The following TM9SF4 variants were observed in gnomAD, a reference collection of about 807,000 sequenced individuals.
The protein encoded by TM9SF4 is dinucleotide oxidase disulfide thiol exchanger 3 superfamily member 4.
Under a neutral mutation model 90.4 loss-of-function variants are expected in TM9SF4, and 26 were observed. The ratio of observed to expected loss-of-function variants is 0.29; its 90% CI spans 0.21 to 0.40. The LOEUF is 0.40. TM9SF4 is among the 10% of genes least tolerant of loss of function. TM9SF4 has a pLI of 1.00. For missense variants in TM9SF4, 549 were observed against 834.8 expected (o/e 0.66, Z 4.22); for synonymous variants, 293 against 315.4 (o/e 0.93, Z 0.75).
At chr20:32,165,062 C>T (rs781698532) in intron 17 of TM9SF4, among the ~76,000 whole-genome samples, 5 of 152,170 alleles carry the variant, frequency 3.3e-5, no homozygotes, top group Non-Finnish European at 5.9e-5. Context: ...CCTTTTGTGG[C>T]ATTCTGGGCC....
intron 1 of TM9SF4, among the ~76,000 whole-genome samples, chr20:32,125,991 T>C (rs1218664184): frequency 6.6e-6 from 1 of 151,856 alleles, no homozygotes; most frequent in Non-Finnish European, 1.5e-5. Context: ...TTTATCGTTA[T>C]TAGATGTCAA....
At chr20:32,154,763 C>T (rs1052485172) in intron 12 of TM9SF4, among the ~76,000 whole-genome samples, 3 of 152,194 alleles carry the variant, frequency 2.0e-5, no homozygotes, top group Non-Finnish European at 4.4e-5. Context: ...AGAGTAGTTA[C>T]CGTGTTCTCA....
At chr20:32,161,700 C>T (rs547955263) in intron 17 of TM9SF4, among the ~76,000 whole-genome samples, 1 of 152,220 alleles carries the variant, frequency 6.6e-6, no homozygotes, top group South Asian at 2.1e-4. Context: ...GGACTAATAA[C>T]ACCTTGAGAA....
chr20:32,142,264 C>T (rs957404561), intron 5 of TM9SF4, among the ~76,000 whole-genome samples: 3 of 152,126 alleles, frequency 2.0e-5, no homozygotes, highest in African/African-American at 7.2e-5. Flanking sequence ...GCCTGTGGTT[C>T]CTTAGCTGTA....
rs776417265 is a variant in TM9SF4 at position 32,145,357 on chromosome 20, A to T, written c.817A>T (p.Met273Leu). 6.2e-7 allele frequency: 1 copy of T among 1,614,118 alleles called. No individual in the cohort carries two copies. Among genetic ancestry groups the T allele is most frequent in the Non-Finnish European group, 8.5e-7 (1 of 1,180,024 alleles). Residue 273 changes from methionine to leucine, a missense_variant, in exon 8 of 18, where the codon ATG becomes TTG. Physicochemically the swap from Met to Leu is conservative, Grantham distance 15. Transcript: ENST00000398022. ...WASRWDTYLT[M>L]SDVQIHWFSI... ...CTCTCGCTGGGACACTTACCTGACC[A>T]TGAGTGACGTCCAGATCCACTGGTT... is the stretch of plus-strand genomic sequence containing the variant.
At chr20:32,165,220 G>T in intron 17 of TM9SF4, 75 bp from the exon 18 acceptor site, 1 of 1,591,092 alleles carries the variant, frequency 6.3e-7, no homozygotes, top group South Asian at 1.1e-5. Context: ...TGATATCAGT[G>T]AGAGTGGGGC....
At chr20:32,116,805 G>T (rs907788730) in intron 1 of TM9SF4, among the ~76,000 whole-genome samples, 1 of 148,514 alleles carries the variant, frequency 6.7e-6, no homozygotes, top group African/African-American at 2.5e-5. Flanking sequence ...GTTAACTGTT[G>T]GCAAACTGTG....
intron 1 of TM9SF4, among the ~76,000 whole-genome samples, chr20:32,120,300 G>T (rs768604443): frequency 1.9e-4 from 29 of 148,830 alleles, no homozygotes; most frequent in Non-Finnish European, 3.4e-4. Flanking sequence ...AATTACCTTT[G>T]TTCATTTCTC....
At chr20:32,120,284 C>G (rs1278528493) in intron 1 of TM9SF4, among the ~76,000 whole-genome samples, 1 of 151,910 alleles carries the variant, frequency 6.6e-6, no homozygotes, top group Non-Finnish European at 1.5e-5. Flanking sequence ...CATGGAATAT[C>G]TCCGCAATTA....
chr20:32,165,823 C>A lies in TM9SF4; in HGVS notation c.*379C>A, dbSNP rs1439356533. On this transcript the variant is annotated 3_prime_UTR_variant, in exon 18 of 18. Transcript: ENST00000398022. Reference sequence around the variant, plus strand: ...TCCACCGAGATAAGGGTTTTGGTCACTGTCTCCACCTCAGTTCCTCAGGGC... The same window carrying A: ...TCCACCGAGATAAGGGTTTTGGTCAATGTCTCCACCTCAGTTCCTCAGGGC... 1.4e-5 allele frequency: 3 copies of A among 218,762 alleles called. No individual in the cohort carries two copies. Among genetic ancestry groups the A allele is most frequent in the Non-Finnish European group, 2.8e-5 (3 of 106,280 alleles). The allele number at this position is 218,762 out of a possible 1,614,324, so 13.6% of individuals were successfully genotyped here. A position where few individuals can be genotyped will look rare whatever the true frequency, so the allele number is the denominator to read the frequency against.
Position 32,163,245 on chromosome 20 carries a change from C to CAAAA in TM9SF4, c.1779+1901_1779+1904dup, listed in dbSNP as rs67827616. On this transcript the variant is annotated intron_variant, in intron 17 of 17. Coordinates refer to ENST00000398022, the MANE Select transcript of TM9SF4 (RefSeq NM_014742.4). The stretch of plus-strand genomic sequence containing the variant: ...TGGGTGACAGAGCAAGACTCCATCT[C>CAAAA]AAAAAAAAAAAAAAAAAAAAAAAAT... Among the ~76,000 whole-genome samples the CAAAA allele has an allele frequency of 6.3e-4, 26 of 41,026 alleles. 1 individual carries two copies. The highest frequency in any genetic ancestry group is 7.8e-4 in the Non-Finnish European group (18 of 23,174). 26.9% of individuals were successfully genotyped at this position (41,026 alleles called of 152,430 possible). A position where few individuals can be genotyped will look rare whatever the true frequency, so the allele number is the denominator to read the frequency against.
rs1010443995 is a variant in TM9SF4 at position 32,109,747 on chromosome 20, A to G, written c.7A>G (p.Thr3Ala). Residue 3 changes from threonine (T) to alanine (A), a missense_variant, in exon 1 of 18, where the codon ACG becomes GCG. Thr to Ala is a moderately conservative substitution (Grantham distance 58). This residue lies in a region of TM9SF4 where 495 missense variants were observed against 711.7 expected (regional missense o/e 0.70). Coordinates refer to ENST00000398022, the MANE Select transcript of TM9SF4 (RefSeq NM_014742.4). Reference sequence around the variant, plus strand: ...GGCGACACGTGGATCCAAGATGGCGACGGCGATGGTGAGTGAAGGAGACTC... The same window carrying G: ...GGCGACACGTGGATCCAAGATGGCGGCGGCGATGGTGAGTGAAGGAGACTC... MA[T>A]AMDWLPWSLL... The G allele has an allele frequency of 4.1e-5, 63 of 1,551,484 alleles. No individual in the cohort carries two copies. In the East Asian group the frequency reaches 1.4e-3, roughly 34 times the overall value.
intron 1 of TM9SF4, among the ~76,000 whole-genome samples, chr20:32,123,258 A>G (rs2046363055): frequency 8.1e-6 from 1 of 123,330 alleles, no homozygotes; most frequent in Non-Finnish European, 1.6e-5. Flanking sequence ...TTTTCTACGT[A>G]ATAGCTTATG....
At chr20:32,132,476 C>T (rs909325572) in intron 1 of TM9SF4, among the ~76,000 whole-genome samples, 1 of 151,790 alleles carries the variant, frequency 6.6e-6, no homozygotes, top group Non-Finnish European at 1.5e-5. Context: ...AGACGAAGGC[C>T]CTGAGGGGTG....
Position 32,141,594 on chromosome 20 carries a change from G to C in TM9SF4, c.327G>C (p.Lys109Asn). ...AAGTTCTGTGCAGCCAGTCCAACAA[G>C]CCAGTGACCCTGACAGTGGAGCAGA... ...KCEVLCSQSN[K>N]PVTLTVEQSR... Residue 109 changes from lysine to asparagine, a missense_variant, in exon 4 of 18, where the codon AAG (lysine) becomes AAC (asparagine). Lys to Asn is a moderately conservative substitution (Grantham distance 94). Around this residue, in one of 2 missense-constraint regions of TM9SF4, gnomAD observed 495 missense variants for 711.7 expected, o/e 0.70. Transcript: ENST00000398022. 1 of 1,614,154 alleles carries C rather than the reference G, an allele frequency of 6.2e-7. No homozygotes were observed.
At chr20:32,121,776 C>T (rs1241886425) in intron 1 of TM9SF4, among the ~76,000 whole-genome samples, 6 of 150,436 alleles carry the variant, frequency 4.0e-5, no homozygotes, top group East Asian at 4.1e-4. Context: ...CCAGTAGGGG[C>T]GGCCGGGCAG....
At chr20:32,132,795 A>G (rs889108217) in intron 1 of TM9SF4, among the ~76,000 whole-genome samples, 9 of 152,142 alleles carry the variant, frequency 5.9e-5, no homozygotes, top group Non-Finnish European at 8.8e-5. Flanking sequence ...CCCAGATGTT[A>G]ATTACTTTGT....
rs1370504574 is a variant in TM9SF4 at position 32,157,786 on chromosome 20, G to C, written c.1330-8G>C. 1.9e-6 allele frequency: 3 copies of C among 1,613,916 alleles called. No homozygotes were observed. The highest frequency in any genetic ancestry group is 2.5e-6 in the Non-Finnish European group (3 of 1,179,932). ...CCTCGTGGGGGCCTCATGGTGCCAT[G>C]TCTACAGGTGCCCTTTCCCACCATG... On this transcript the variant is annotated splice_region_variant and splice_polypyrimidine_tract_variant and intron_variant, in intron 13 of 17. Coordinates refer to ENST00000398022, the MANE Select transcript of TM9SF4 (RefSeq NM_014742.4).
chr20:32,150,232 C>A (rs1450206712), intron 10 of TM9SF4, among the ~76,000 whole-genome samples: 5 of 152,230 alleles, frequency 3.3e-5, no homozygotes, highest in Admixed American at 3.3e-4. Context: ...CACTTGACCT[C>A]TGTGAGCCTC....
Sources: gnomAD v4.1 joint callset for allele counts (sites outside exome capture counted in the v4.1 genomes callset) on GRCh38, gnomAD v4.1.1 for gene constraint, gnomAD v4.1.1 regional missense constraint, MANE v1.5 for transcripts, NCBI Gene and HGNC (gene_info 2026-07-23, HGNC 2026-07-21) for gene names.